Variants in ANK3 observed in about 807,000 individuals in gnomAD.
ANK3 encodes the protein ankyrin 3, also known as ankyrin-3.
A neutral mutation model predicts 370.9 loss-of-function variants in ANK3; 57 were observed. The observed-to-expected ratio is 0.15, with a 90% confidence interval of 0.12 to 0.19. ANK3 has a LOEUF of 0.19. Among genes scored for constraint, ANK3 ranks in the 10% least tolerant of loss-of-function variants. The pLI, the probability that ANK3 is intolerant of heterozygous loss-of-function variation, is 1.00. For missense variants in ANK3, 4,439 were observed against 5,302.1 expected (o/e 0.84, Z 5.06); for synonymous variants, 1,929 against 1,946.3 (o/e 0.99, Z 0.23).
At chr10:60,113,918 A>C (rs10994206) in intron 26 of ANK3, among the ~76,000 whole-genome samples, 37,313 of 151,990 alleles carry the variant, frequency 0.25, 5,466 homozygotes, top group Non-Finnish European at 0.33. Context: ...AAAAAACTTA[A>C]AAAGGAAATT....
At chr10:60,428,889 G>A (rs1175274297) in intron 2 of ANK3, among the ~76,000 whole-genome samples, 1 of 152,172 alleles carries the variant, frequency 6.6e-6, no homozygotes, top group Admixed American at 6.6e-5. Context: ...TGCCTTCTGT[G>A]TTGTGAGGAA....
At chr10:60,700,852 T>C (rs2079536644) in intron 1 of ANK3, among the ~76,000 whole-genome samples, 1 of 152,056 alleles carries the variant, frequency 6.6e-6, no homozygotes, top group Non-Finnish European at 1.5e-5. Flanking sequence ...ATAACCTGAG[T>C]GAGTTCTTCT....
chr10:60,476,774 T>C lies in ANK3; in HGVS notation c.96+138412A>G, dbSNP rs557140797. 4.4e-4 allele frequency among the ~76,000 whole-genome samples: 67 copies of C among 152,304 alleles called. 1 individual carries two copies. In the South Asian group the frequency reaches 0.013, roughly 30 times the overall value. On this transcript the variant is annotated intron_variant, in intron 2 of 43. Coordinates refer to the ANK3 transcript ENST00000373827. ...GACTGTATCAACCTAAGCCAGTCAATGGACCGTCTGGAGATTCAGTCCTTT... is the reference window on the plus strand; with the variant it reads ...GACTGTATCAACCTAAGCCAGTCAACGGACCGTCTGGAGATTCAGTCCTTT...
In ANK3 at chr10:60,083,527, A is replaced by G. The variant is rs1416535602; in HGVS notation, c.4165T>C (p.Ser1389Pro). 6.2e-7 allele frequency: 1 copy of G among 1,612,014 alleles called. No homozygotes were observed. The highest frequency in any genetic ancestry group is 8.5e-7 in the Non-Finnish European group (1 of 1,179,222). ...AATGGCAGTCTATTTTCTTTGAAAG[A>G]ATAAAAGTTAAAAACAAGTTGCTGT... ...GGQQLVFNFYSFKENRLPFSI... is the reference protein window; with the variant it reads ...GGQQLVFNFYPFKENRLPFSI... The change falls in exon 33 of 44, where the codon TCT becomes CCT. Residue 1389 changes from serine (S) to proline (P), a missense_variant. Physicochemically the swap from Ser to Pro is moderately conservative, Grantham distance 74 (BLOSUM62 -1). Around this residue, in one of 13 missense-constraint regions of ANK3, gnomAD observed 702 missense variants for 941.5 expected, o/e 0.75. Transcript: ENST00000280772.
chr10:60,225,916 TG>T (rs1565812677), intron 8 of ANK3, among the ~76,000 whole-genome samples: 2 of 150,840 alleles, frequency 1.3e-5, no homozygotes, highest in East Asian at 1.9e-4. Context: ...TAATTTTTTT[TG>T]GGGGGATAGT....
At chr10:60,081,569 T>C (rs2132004989) in intron 35 of ANK3, 1 of 415,588 alleles carries the variant, frequency 2.4e-6, no homozygotes, top group African/African-American at 2.1e-5. Flanking sequence ...GTATCAAAGA[T>C]TTATCAATAG....
intron 1 of ANK3, among the ~76,000 whole-genome samples, chr10:60,310,986 T>C (rs2046217937): frequency 6.6e-6 from 1 of 152,154 alleles, no homozygotes; most frequent in Non-Finnish European, 1.5e-5. Flanking sequence ...TCCAGCCACC[T>C]TTAATCTCCC....
chr10:60,192,866 C>A (rs1336966799), intron 16 of ANK3, among the ~76,000 whole-genome samples: 2 of 152,126 alleles, frequency 1.3e-5, no homozygotes, highest in African/African-American at 4.8e-5. Flanking sequence ...AGGGAACTTG[C>A]CTCAACACCC....
chr10:60,343,733 G>A lies in ANK3; in HGVS notation c.114+45692C>T, dbSNP rs183399976. The stretch of plus-strand genomic sequence containing the variant: ...AGTCATAAAGAGAGGTGATGACAGC[G>A]AGAATACAGTTGTGGGTGAAGTTTC... On this transcript the variant is annotated intron_variant, in intron 1 of 43. Transcript: ENST00000280772. Among the ~76,000 whole-genome samples, 8 of 152,260 alleles carry A rather than the reference G, an allele frequency of 5.3e-5. No homozygotes were observed. The South Asian group carries it at 6.2e-4, about 12-fold the overall frequency.
chr10:60,566,747 A>C (rs951677839), intron 2 of ANK3, among the ~76,000 whole-genome samples: 1 of 152,298 alleles, frequency 6.6e-6, no homozygotes, highest in Non-Finnish European at 1.5e-5. Flanking sequence ...GTGGTGGAGC[A>C]CACTTGTGAT....
At chr10:60,645,451 G>A (rs1390253177) in intron 1 of ANK3, among the ~76,000 whole-genome samples, 2 of 152,218 alleles carry the variant, frequency 1.3e-5, no homozygotes, top group African/African-American at 4.8e-5. Flanking sequence ...TAGGCCAGGC[G>A]CAGTGGCTCA....
chr10:60,466,895 C>T (rs2065023562), intron 2 of ANK3, among the ~76,000 whole-genome samples: 1 of 152,090 alleles, frequency 6.6e-6, no homozygotes, highest in Admixed American at 6.6e-5. Context: ...CACTAGTCAC[C>T]TATAGGGCTG....
intron 2 of ANK3, among the ~76,000 whole-genome samples, chr10:60,521,611 A>G (rs1054036110): frequency 1.3e-5 from 2 of 152,160 alleles, no homozygotes; most frequent in Non-Finnish European, 2.9e-5. Context: ...CAATACAGAC[A>G]GTAGCTGCAA....
intron 17 of ANK3, 175 bp downstream of exon 17, chr10:60,186,540 A>G (rs2096338924): frequency 1.4e-6 from 1 of 735,626 alleles, no homozygotes; most frequent in Admixed American, 2.0e-5. Flanking sequence ...CTTATTGTTT[A>G]AACAGATTGT....
Position 60,080,460 on chromosome 10 carries a change from A to G in ANK3, c.4432+77T>C, listed in dbSNP as rs1054804865. The G allele has an allele frequency of 4.7e-6, 6 of 1,279,388 alleles. No homozygotes were observed. In the African/African-American group the frequency reaches 5.9e-5, roughly 13 times the overall value. The allele number at this position is 1,279,388 out of a possible 1,614,324, so 79.3% of individuals were successfully genotyped here. On this transcript the variant is annotated intron_variant, in intron 36 of 43. Coordinates refer to ENST00000280772, the MANE Select transcript of ANK3 (RefSeq NM_020987.5). ...TTTTGCCATTGAGTTTCCAAATGAT[A>G]AAATTTGGTTTGTATAGAAAAAATG...
Position 60,528,139 on chromosome 10 carries a change from T to G in ANK3, c.96+87047A>C, listed in dbSNP as rs556123404. Among the ~76,000 whole-genome samples the G allele has an allele frequency of 9.9e-3, 1,375 of 139,160 alleles. 30 individuals carry two copies. Among genetic ancestry groups the G allele is most frequent in the African/African-American group, 0.038 (1,312 of 34,582 alleles). 91.3% of individuals were successfully genotyped at this position (139,160 alleles called of 152,430 possible). A position where few individuals can be genotyped will look rare whatever the true frequency, so the allele number is the denominator to read the frequency against. On this transcript the variant is annotated intron_variant, in intron 2 of 43. Transcript: ENST00000373827. ...TCTTTTTTTCTTTTCTTCTTCTTCTTTTTTTTTTTTTTTTGAGACAGAGTT... is the reference window on the plus strand; with the variant it reads ...TCTTTTTTTCTTTTCTTCTTCTTCTGTTTTTTTTTTTTTTGAGACAGAGTT...
At chr10:60,458,873 C>T (rs747592740) in intron 2 of ANK3, among the ~76,000 whole-genome samples, 2 of 152,058 alleles carry the variant, frequency 1.3e-5, no homozygotes, top group Non-Finnish European at 2.9e-5. Flanking sequence ...CTTACTTACG[C>T]TATTCAGACC....
At position 60,230,553 on chromosome 10, in the gene ANK3, G is replaced by A. The variant is rs541797368; in HGVS notation, c.897+4135C>T. On this transcript the variant is annotated intron_variant, in intron 8 of 43. Transcript: ENST00000280772. ...GATATTAATTAGCATTATGGAGCTGGGAAAATGGGAAAGACTTTCCTGAAA... is the reference window on the plus strand; with the variant it reads ...GATATTAATTAGCATTATGGAGCTGAGAAAATGGGAAAGACTTTCCTGAAA... 1.0e-3 allele frequency among the ~76,000 whole-genome samples: 152 copies of A among 152,252 alleles called. 1 individual carries two copies. Among genetic ancestry groups the A allele is most frequent in the South Asian group, 4.6e-3 (22 of 4,824 alleles).
At chr10:60,691,565 A>C (rs1224432047) in intron 1 of ANK3, among the ~76,000 whole-genome samples, 1 of 152,224 alleles carries the variant, frequency 6.6e-6, no homozygotes, top group African/African-American at 2.4e-5. Flanking sequence ...GTAATTTCTT[A>C]AAGGACATTT....
Sources: gnomAD v4.1 joint callset for allele counts (sites outside exome capture counted in the v4.1 genomes callset) on GRCh38, gnomAD v4.1.1 for gene constraint, gnomAD v4.1.1 regional missense constraint, MANE v1.5 for transcripts, NCBI Gene and HGNC (gene_info 2026-07-23, HGNC 2026-07-21) for gene names.